The following ST3GAL2 variants were observed in gnomAD, a reference collection of about 807,000 sequenced individuals.
ST3GAL2 encodes CMP-N-acetylneuraminate-beta-galactosamide-alpha-2,3-sialyltransferase 2.
A neutral mutation model predicts 37.5 loss-of-function variants in ST3GAL2; 16 were observed. The observed-to-expected ratio is 0.43, with a 90% confidence interval of 0.29 to 0.65. The LOEUF (loss-of-function observed/expected upper bound fraction) is 0.65. Among genes scored for constraint, ST3GAL2 ranks in the 30% least tolerant of loss-of-function variants. The pLI is 0.17. For missense variants in ST3GAL2, 383 were observed against 487.8 expected (o/e 0.79, Z 2.02); for synonymous variants, 238 against 202.9 (o/e 1.17, Z -1.47).
intron 1 of ST3GAL2, among the ~76,000 whole-genome samples, chr16:70,409,160 G>A (rs760411337): frequency 1.3e-5 from 2 of 152,124 alleles, no homozygotes; most frequent in African/African-American, 2.4e-5. Context: ...GTTCTCGGCT[G>A]GTTGTGGTGG....
chr16:70,434,358 A>C (rs1468776128), intron 1 of ST3GAL2, among the ~76,000 whole-genome samples: 1 of 151,572 alleles, frequency 6.6e-6, no homozygotes, highest in Admixed American at 6.6e-5. Flanking sequence ...AGTCGCTTGA[A>C]CCCAGGAGTC....
At chr16:70,410,727 T>C (rs1047775808) in intron 1 of ST3GAL2, among the ~76,000 whole-genome samples, 9 of 151,878 alleles carry the variant, frequency 5.9e-5, no homozygotes, top group African/African-American at 2.2e-4. Flanking sequence ...TAAAATTCTC[T>C]ATTCTTATTC....
rs1398384951 is a variant in ST3GAL2, at chr16:70,378,627, G to T, written c.*3062C>A. 6.6e-6 allele frequency: 1 copy of T among 151,518 alleles called. No homozygotes were observed. The highest frequency in any genetic ancestry group is 1.9e-4 in the East Asian group (1 of 5,172). 9.4% of individuals were successfully genotyped at this position (151,518 alleles called of 1,614,324 possible). ...TGAGGCAGGAGAATGGCGTGAACCC[G>T]GGAGGCGGAGCTTGCAATGAGCCGA... On this transcript the variant is annotated 3_prime_UTR_variant, in exon 7 of 7. Transcript: ENST00000342907.
In ST3GAL2 at chr16:70,381,557, T is replaced by A; in HGVS notation, c.*132A>T. On this transcript the variant is annotated 3_prime_UTR_variant, in exon 7 of 7. Coordinates refer to ENST00000342907, the MANE Select transcript of ST3GAL2 (RefSeq NM_006927.4). ...GTGCCAGGCCCGGCCGGTCCCCCAG[T>A]CTCGTGATTGGCGGGGCACAGCAGA... The A allele has an allele frequency of 1.8e-6, 2 of 1,118,804 alleles. No homozygotes were observed. The highest frequency in any genetic ancestry group is 1.6e-5 in the South Asian group (1 of 62,338). The allele number at this position is 1,118,804 out of a possible 1,614,324, so 69.3% of individuals were successfully genotyped here.
At chr16:70,429,054 G>T (rs2151679784) in intron 1 of ST3GAL2, among the ~76,000 whole-genome samples, 1 of 152,334 alleles carries the variant, frequency 6.6e-6, no homozygotes, top group East Asian at 1.9e-4. Flanking sequence ...GTTGGAAGTG[G>T]GGGTGAGGAA....
intron 1 of ST3GAL2, among the ~76,000 whole-genome samples, chr16:70,417,352 A>C (rs1459544554): frequency 3.5e-5 from 4 of 114,460 alleles, no homozygotes; most frequent in South Asian, 2.9e-4. Context: ...CTGGGGCCCC[A>C]CTCCCAGCAG....
In ST3GAL2 at chr16:70,383,173, A is replaced by G. The variant is rs1369539259; in HGVS notation, c.759+17T>C. On this transcript the variant is annotated intron_variant, in intron 5 of 6. Transcript: ENST00000342907. ...AGCACTGTTTCCACTGAGGTGGGGA[A>G]GAAGTGGGGAGCTTACCTTTTCTTT... 4.3e-6 allele frequency: 7 copies of G among 1,612,646 alleles called. No homozygotes were observed. The highest frequency in any genetic ancestry group is 2.7e-5 in the African/African-American group (2 of 74,900).
chr16:70,413,438 G>A lies in ST3GAL2; in HGVS notation c.-1003-13905C>T, dbSNP rs142301890. On this transcript the variant is annotated intron_variant, in intron 1 of 6. Transcript: ENST00000342907. ...CTCTATAAAAAATAAAAAGCTGGCC[G>A]GGCGCGGTGGCTCGCGCCTATAATC... 2.1e-4 allele frequency among the ~76,000 whole-genome samples: 31 copies of A among 149,940 alleles called. No homozygotes were observed. In the East Asian group the frequency reaches 5.7e-3, roughly 27 times the overall value.
chr16:70,415,546 G>C (rs1219329792), intron 1 of ST3GAL2, among the ~76,000 whole-genome samples: 1 of 152,084 alleles, frequency 6.6e-6, no homozygotes, highest in South Asian at 2.1e-4. Context: ...CCATCTCCCG[G>C]GTTCAAGCGA....
chr16:70,429,309 T>C (rs1470947337), intron 1 of ST3GAL2, among the ~76,000 whole-genome samples: 1 of 152,136 alleles, frequency 6.6e-6, no homozygotes, highest in East Asian at 1.9e-4. Flanking sequence ...AATGAATCCC[T>C]GAGGCCGGGT....
intron 1 of ST3GAL2, among the ~76,000 whole-genome samples, chr16:70,419,292 T>C (rs1354187899): frequency 6.6e-6 from 1 of 152,036 alleles, no homozygotes; most frequent in African/African-American, 2.4e-5. Context: ...CGGCCCAGAG[T>C]TGAAGGACTG....
chr16:70,381,890 C>T (rs2047408459), intron 6 of ST3GAL2, 28 bp from the exon 7 acceptor site: 1 of 1,610,388 alleles, frequency 6.2e-7, no homozygotes, highest in Non-Finnish European at 8.5e-7. Flanking sequence ...GGAGCGTCAC[C>T]CCAGGCGGGG....
chr16:70,415,404 A>C (rs1253666066), intron 1 of ST3GAL2, among the ~76,000 whole-genome samples: 2 of 152,238 alleles, frequency 1.3e-5, no homozygotes, highest in Admixed American at 6.5e-5. Context: ...GGTCACAAGA[A>C]ACGGATAAAC....
At chr16:70,386,189 T>G (rs2047442120) in intron 4 of ST3GAL2, among the ~76,000 whole-genome samples, 1 of 149,560 alleles carries the variant, frequency 6.7e-6, no homozygotes, top group Admixed American at 6.7e-5. Flanking sequence ...CCCAGCTAGT[T>G]TTTTTTTTTT....
rs757015470 is a variant in ST3GAL2, at chr16:70,382,942, G to C, written c.760-18C>G. 44 of 1,610,998 alleles carry C rather than the reference G, an allele frequency of 2.7e-5. No individual in the cohort carries two copies. The East Asian group carries it at 9.1e-4, about 33-fold the overall frequency. ...ATCTGGACCTGGGAGGAGAAGGGAT[G>C]ACAGGTATATGAGGGGTTTAGGGGC... On this transcript the variant is annotated intron_variant, in intron 5 of 6. Coordinates refer to ENST00000342907, the MANE Select transcript of ST3GAL2 (RefSeq NM_006927.4).
At chr16:70,427,283 C>T (rs1047593214) in intron 1 of ST3GAL2, among the ~76,000 whole-genome samples, 14 of 151,942 alleles carry the variant, frequency 9.2e-5, no homozygotes, top group Non-Finnish European at 1.6e-4. Flanking sequence ...CTCAACTTGC[C>T]CCAAACCAAA....
chr16:70,430,799 G>T (rs1035147196), intron 1 of ST3GAL2, among the ~76,000 whole-genome samples: 2 of 152,090 alleles, frequency 1.3e-5, no homozygotes, highest in South Asian at 4.2e-4. Flanking sequence ...CGAGGAGGCC[G>T]GGGTTCTCTC....
At chr16:70,428,222 G>A (rs1211498408) in intron 1 of ST3GAL2, among the ~76,000 whole-genome samples, 8 of 152,216 alleles carry the variant, frequency 5.3e-5, no homozygotes, top group Non-Finnish European at 1.0e-4. Context: ...ACAGCTGACC[G>A]CAGATGGGAA....
chr16:70,385,388 T>C (rs1010574220), intron 4 of ST3GAL2, among the ~76,000 whole-genome samples: 3 of 151,942 alleles, frequency 2.0e-5, no homozygotes, highest in Admixed American at 2.0e-4. Context: ...GAGGGGAGAA[T>C]GGAGAGTTAG....
Sources: allele counts gnomAD v4.1 joint callset (sites outside exome capture counted in the v4.1 genomes callset), GRCh38; gene constraint gnomAD v4.1.1; transcripts MANE v1.5; gene names NCBI Gene and HGNC (gene_info 2026-07-23, HGNC 2026-07-21).